TPM2: variants seen among roughly 807,000 people sequenced by gnomAD.
The protein encoded by TPM2 is tropomyosin 2.
TPM2 carries 26 observed loss-of-function variants against 41.0 expected under a neutral mutation model. The ratio of observed to expected loss-of-function variants is 0.63; its 90% CI spans 0.46 to 0.88. The LOEUF (loss-of-function observed/expected upper bound fraction) is 0.88. Among genes scored for constraint, TPM2 ranks in the 40% least tolerant of loss-of-function variants. The pLI, the probability that TPM2 is intolerant of heterozygous loss-of-function variation, is 0.00. For synonymous variants in TPM2, 143 were observed against 139.3 expected, an observed-to-expected ratio of 1.03 and a Z score of -0.19; for missense variants, 187 against 355.2, an observed-to-expected ratio of 0.53 and a Z score of 3.81.
downstream of TPM2, chr9:35,682,246 T>C (rs1824605641): frequency 2.8e-6 from 4 of 1,441,712 alleles, no homozygotes; most frequent in South Asian, 4.7e-5. Context: ...AGGTGACATA[T>C]AGACATGGAG....
intron 8 of TPM2, among the ~76,000 whole-genome samples, chr9:35,683,735 G>A (rs536961548): frequency 1.3e-5 from 2 of 152,352 alleles, no homozygotes; most frequent in East Asian, 3.9e-4. Context: ...ATATCTGGAT[G>A]TTTGCTTTTG....
At chr9:35,682,739 T>C, downstream of TPM2, 1 of 1,317,970 alleles carries the variant, frequency 7.6e-7, no homozygotes, top group Non-Finnish European at 1.0e-6. Context: ...CGTGCCCACA[T>C]GCAGTGGTGA....
At chr9:35,682,011 A>G (rs1302879447), downstream of TPM2, 33 of 1,523,400 alleles carry the variant, frequency 2.2e-5, no homozygotes, top group Non-Finnish European at 2.8e-5. Flanking sequence ...AAGGGCCTTG[A>G]GAGGCTAGTA....
At chr9:35,688,144 C>T (rs1473130509) in intron 2 of TPM2, among the ~76,000 whole-genome samples, 2 of 152,092 alleles carry the variant, frequency 1.3e-5, no homozygotes, top group Non-Finnish European at 2.9e-5. Flanking sequence ...GTGTCAGATG[C>T]CCAGGGTTGT....
rs1243271648 is a variant in TPM2, at chr9:35,685,849, G to A, written c.241-69C>T. On this transcript the variant is annotated intron_variant, in intron 2 of 8. Coordinates refer to ENST00000645482, the MANE Select transcript of TPM2 (RefSeq NM_003289.4). The surrounding 1 kb of genome is among the most constrained non-coding windows in gnomAD (Gnocchi z 5.0). Reference sequence around the variant, plus strand: ...GGATAAGGATCAGAGAGGCTCCAGAGGATGGCGAGATTCTTCTCAGAAAGA... The same window carrying A: ...GGATAAGGATCAGAGAGGCTCCAGAAGATGGCGAGATTCTTCTCAGAAAGA... 3.1e-6 allele frequency: 5 copies of A among 1,610,582 alleles called. No individual in the cohort carries two copies. The highest frequency in any genetic ancestry group is 2.7e-5 in the African/African-American group (2 of 74,844).
At position 35,684,537 on chromosome 9, in the gene TPM2, T is replaced by G. The variant is rs749219928; in HGVS notation, c.653A>C (p.Glu218Ala). 4.3e-6 allele frequency: 7 copies of G among 1,614,030 alleles called. No homozygotes were observed. The highest frequency in any genetic ancestry group is 5.1e-6 in the Non-Finnish European group (6 of 1,180,040). ...TTTGATCTCCTCTTCATATTTATCT[T>G]CTTTGGTGGAATACTTTTGGGGACA... The part of the protein sequence containing the change: ...EAQADKYSTK[E>A]DKYEEEIKLL... Residue 218 changes from glutamate (E) to alanine (A), a missense_variant, in exon 7 of 9, where the codon GAA (glutamate) becomes GCA (alanine). Glu to Ala is a moderately radical substitution (Grantham distance 107, BLOSUM62 -1). Coordinates refer to ENST00000645482, the MANE Select transcript of TPM2 (RefSeq NM_003289.4).
chr9:35,687,468 G>C (rs996958553), intron 2 of TPM2, among the ~76,000 whole-genome samples: 1 of 151,280 alleles, frequency 6.6e-6, no homozygotes, highest in Non-Finnish European at 1.5e-5. Context: ...AAAGGAGGTG[G>C]GGGGAGGGGC....
chr9:35,690,016 T>G, upstream of TPM2: 3 of 1,416,420 alleles, frequency 2.1e-6, no homozygotes, highest in Non-Finnish European at 2.8e-6. Flanking sequence ...GCCCAAACCT[T>G]GTAGGGGCAG....
chr9:35,683,269 G>T, intron 8 of TPM2, 28 bp from the exon 9 acceptor site: 1 of 1,543,398 alleles, frequency 6.5e-7, no homozygotes, highest in Non-Finnish European at 8.8e-7. Flanking sequence ...AGGGGACCAG[G>T]TGGGAGTGTG....
At chr9:35,690,003 T>G, upstream of TPM2, 1 of 1,452,386 alleles carries the variant, frequency 6.9e-7, no homozygotes, top group Non-Finnish European at 9.1e-7. Context: ...CTCCCCCACC[T>G]CGGCCCAAAC....
At chr9:35,689,353 C>A in intron 1 of TPM2, 82 bp from the exon 2 acceptor site, 1 of 1,586,392 alleles carries the variant, frequency 6.3e-7, no homozygotes. Context: ...AGGGGCGCTA[C>A]TAAGATTTGG....
chr9:35,689,476 C>T (rs888869613), intron 1 of TPM2: 2 of 884,494 alleles, frequency 2.3e-6, no homozygotes, highest in Non-Finnish European at 2.7e-6. Context: ...CAGGACCAAC[C>T]GCGCTCTGCA....
downstream of TPM2, chr9:35,682,018 A>G (rs531721131): frequency 1.3e-5 from 20 of 1,542,564 alleles, no homozygotes; most frequent in African/African-American, 1.9e-4. Context: ...TTGAGAGGCT[A>G]GTAACATCAG....
intron 1 of TPM2, 44 bp downstream of exon 1, chr9:35,689,660 C>A: frequency 6.2e-7 from 1 of 1,607,620 alleles, no homozygotes. Flanking sequence ...CCCACCCTTG[C>A]CCTAGGCGCG....
rs1311825289 is a variant in TPM2 at position 35,683,294 on chromosome 9, G to A, written c.773-53C>T. ...GTGGGAGTGTGGGAAAGGGAGTGGA[G>A]GGAAAGAGGAAAGGAAGGAGAGAGA... On this transcript the variant is annotated intron_variant, in intron 8 of 8. Coordinates refer to ENST00000645482, the MANE Select transcript of TPM2 (RefSeq NM_003289.4). 4.0e-6 allele frequency: 6 copies of A among 1,494,792 alleles called. No homozygotes were observed. In the Middle Eastern group the frequency reaches 6.8e-4, roughly 168 times the overall value. 92.6% of individuals were successfully genotyped at this position (1,494,792 alleles called of 1,614,324 possible).
chr9:35,685,259 G>A lies in TPM2; in HGVS notation c.563+10C>T, dbSNP rs1398880004. 5.0e-6 allele frequency: 8 copies of A among 1,614,080 alleles called. No individual in the cohort carries two copies. The African/African-American group carries it at 6.7e-5, about 13-fold the overall frequency. ...CAATGGGCTCACTTGTCACCCCCGG[G>A]TATCTTTACCTCTCGGCCACCTCAG... On this transcript the variant is annotated intron_variant, in intron 5 of 8. Transcript: ENST00000645482. This position sits in a 1 kb window ranked among gnomAD's most constrained non-coding sequence, Gnocchi z 5.0.
At chr9:35,687,776 C>CA (rs5897613) in intron 2 of TPM2, among the ~76,000 whole-genome samples, 69,200 of 151,786 alleles carry the variant, frequency 0.46, 15,797 homozygotes, top group East Asian at 0.56. Context: ...GGTGGGGTGA[C>CA]AAAAGACTCT....
intron 2 of TPM2, among the ~76,000 whole-genome samples, chr9:35,687,162 C>T (rs1428130058): frequency 3.3e-5 from 5 of 152,144 alleles, no homozygotes; most frequent in African/African-American, 1.2e-4. Context: ...ATCAACAGGA[C>T]CTTCGGTGAG....
Position 35,685,259 on chromosome 9 carries a change from G to C in TPM2, c.563+10C>G. 6.2e-7 allele frequency: 1 copy of C among 1,614,198 alleles called. No individual in the cohort carries two copies. The highest frequency in any genetic ancestry group is 8.5e-7 in the Non-Finnish European group (1 of 1,180,020). Reference sequence around the variant, plus strand: ...CAATGGGCTCACTTGTCACCCCCGGGTATCTTTACCTCTCGGCCACCTCAG... The same window carrying C: ...CAATGGGCTCACTTGTCACCCCCGGCTATCTTTACCTCTCGGCCACCTCAG... On this transcript the variant is annotated intron_variant, in intron 5 of 8. Transcript: ENST00000645482. The surrounding 1 kb of genome is among the most constrained non-coding windows in gnomAD (Gnocchi z 5.0).
Sources: allele counts gnomAD v4.1 joint callset (sites outside exome capture counted in the v4.1 genomes callset), GRCh38; gene constraint gnomAD v4.1.1; non-coding constraint Gnocchi (gnomAD v3.1); transcripts MANE v1.5; gene names NCBI Gene and HGNC (gene_info 2026-07-23, HGNC 2026-07-21).